GYS2: variants seen among roughly 807,000 people sequenced by gnomAD.
GYS2 encodes glycogen synthase 2, also known as glycogen [starch] synthase, liver.
A neutral mutation model predicts 85.6 loss-of-function variants in GYS2; 80 were observed. The ratio of observed to expected loss-of-function variants is 0.93; its 90% CI spans 0.78 to 1.13. The LOEUF is 1.13. Among genes scored for constraint, GYS2 ranks in the 50% most tolerant of loss-of-function variants. The pLI is 0.00. For missense variants in GYS2, 881 were observed against 854.9 expected (o/e 1.03, Z -0.38); for synonymous variants, 328 against 300.7 (o/e 1.09, Z -0.94).
chr12:21,598,531 T>G (rs1348224796), intron 1 of GYS2, among the ~76,000 whole-genome samples: 1 of 152,100 alleles, frequency 6.6e-6, no homozygotes, highest in Non-Finnish European at 1.5e-5. Context: ...ATAGCACACT[T>G]TGTGCTATAG....
At chr12:21,538,254 G>A (rs772997476) in intron 15 of GYS2, among the ~76,000 whole-genome samples, 6 of 152,026 alleles carry the variant, frequency 3.9e-5, no homozygotes, top group South Asian at 2.1e-4. Context: ...CCTTTTTTAC[G>A]GGCAAATTTT....
rs1284586998 is a variant in GYS2 at position 21,576,030 on chromosome 12, C to T, written c.331G>A (p.Gly111Arg). The T allele has an allele frequency of 6.2e-7, 1 of 1,613,334 alleles. No individual in the cohort carries two copies. Among genetic ancestry groups the T allele is most frequent in the African/African-American group, 1.3e-5 (1 of 74,894 alleles). The stretch of plus-strand genomic sequence containing the variant: ...TCAAAAAGTACCACATAAGGACTTC[C>T]TTCTATCAGCCATCTTCCAAAATGC... ...QVHFGRWLIE[G>R]SPYVVLFDIG... Residue 111 changes from glycine (G) to arginine (R), a missense_variant, in exon 3 of 16, where the codon GGA becomes AGA. Gly to Arg is a moderately radical substitution (Grantham distance 125). Transcript: ENST00000261195.
At chr12:21,597,023 C>A (rs1265798276) in intron 1 of GYS2, among the ~76,000 whole-genome samples, 1 of 151,956 alleles carries the variant, frequency 6.6e-6, no homozygotes, top group African/African-American at 2.4e-5. Flanking sequence ...TGGCCTAATA[C>A]AACCCCTATT....
At chr12:21,537,919 C>T (rs1405445073) in intron 15 of GYS2, among the ~76,000 whole-genome samples, 3 of 152,080 alleles carry the variant, frequency 2.0e-5, no homozygotes, top group South Asian at 2.1e-4. Flanking sequence ...TTATAGCGCT[C>T]GTCACTCTGT....
In GYS2 at chr12:21,574,239, T is replaced by G; in HGVS notation, c.583A>C (p.Lys195Gln). 6.2e-7 allele frequency: 1 copy of G among 1,613,780 alleles called. No homozygotes were observed. The highest frequency in any genetic ancestry group is 1.1e-5 in the South Asian group (1 of 91,068). Residue 195 changes from lysine (K) to glutamine (Q), a missense_variant, in exon 4 of 16, where the codon AAA becomes CAA. Coordinates refer to ENST00000261195, the MANE Select transcript of GYS2 (RefSeq NM_021957.4). ...GIGLILSRAR[K>Q]LPIATIFTTH... ...GTAAATATTGTGGCAATAGGAAGTT[T>G]CCTGGCTCGAGAAAGGATCAGTCCA... is the stretch of plus-strand genomic sequence containing the variant.
In GYS2 at chr12:21,562,986, A is replaced by T. The variant is rs765080484; in HGVS notation, c.994T>A (p.Tyr332Asn). Residue 332 changes from tyrosine to asparagine, a missense_variant, in exon 7 of 16, where the codon TAT (tyrosine) becomes AAT (asparagine). Tyr to Asn is a moderately radical substitution (Grantham distance 143). Transcript: ENST00000261195. ...KTLFLFIAGR[Y>N]EFSNKGADIF... ...TCAGCTCCTTTGTTTGAAAACTCAT[A>T]CCTCCCAGCAATGAAAAGGAACAAA... The T allele has an allele frequency of 1.2e-6, 2 of 1,613,096 alleles. No individual in the cohort carries two copies. Among genetic ancestry groups the T allele is most frequent in the Admixed American group, 3.3e-5 (2 of 59,992 alleles).
intron 4 of GYS2, among the ~76,000 whole-genome samples, chr12:21,573,470 T>C (rs1029398167): frequency 1.3e-5 from 2 of 152,192 alleles, no homozygotes; most frequent in African/African-American, 4.8e-5. Flanking sequence ...TTCATTAATC[T>C]AAATTGACAT....
At chr12:21,534,749 G>A (rs148372237), downstream of GYS2, among the ~76,000 whole-genome samples, 837 of 152,268 alleles carry the variant, frequency 5.5e-3, 7 homozygotes, top group African/African-American at 0.02. Flanking sequence ...TCAAACCATA[G>A]CAGGTGGTAC....
intron 11 of GYS2, among the ~76,000 whole-genome samples, chr12:21,556,440 G>T (rs1366353220): frequency 1.3e-5 from 2 of 152,182 alleles, no homozygotes; most frequent in African/African-American, 4.8e-5. Context: ...CAAAGGGCTG[G>T]AATTATAGGT....
intron 1 of GYS2, among the ~76,000 whole-genome samples, chr12:21,599,429 C>T (rs537514295): frequency 6.6e-6 from 1 of 152,286 alleles, no homozygotes; most frequent in South Asian, 2.1e-4. Context: ...GCAGTCTTGG[C>T]AGTGGGAGGT....
Position 21,539,252 on chromosome 12 carries a change from A to G in GYS2, c.1890+6T>C. On this transcript the variant is annotated splice_donor_region_variant and intron_variant, in intron 15 of 15. Coordinates refer to ENST00000261195, the MANE Select transcript of GYS2 (RefSeq NM_021957.4). ...GCTTTCAAAAAAAAATACATTGAAT[A>G]TTTACCGTTGGTGGTGATGTTAGTT... 3 of 1,490,778 alleles carry G rather than the reference A, an allele frequency of 2.0e-6. No individual in the cohort carries two copies. The highest frequency in any genetic ancestry group is 1.1e-5 in the South Asian group (1 of 88,000). 92.3% of individuals were successfully genotyped at this position (1,490,778 alleles called of 1,614,324 possible). A position where few individuals can be genotyped will look rare whatever the true frequency, so the allele number is the denominator to read the frequency against.
intron 4 of GYS2, among the ~76,000 whole-genome samples, chr12:21,571,036 CAT>C (rs1426239218): frequency 1.3e-5 from 2 of 152,166 alleles, no homozygotes; most frequent in African/African-American, 4.8e-5. Context: ...TAGAGAATCA[CAT>C]GTCACAGATA....
At chr12:21,559,290 A>G (rs535823925) in intron 9 of GYS2, 121 bp from the exon 10 acceptor site, 80 of 609,330 alleles carry the variant, frequency 1.3e-4, no homozygotes, top group Admixed American at 5.4e-4. Flanking sequence ...TGATTATTCT[A>G]TTAAGTAAAT....
chr12:21,599,154 T>A lies in GYS2; in HGVS notation c.121+5318A>T, dbSNP rs180889099. 1.1e-3 allele frequency among the ~76,000 whole-genome samples: 164 copies of A among 152,174 alleles called. 2 individuals carry two copies. The East Asian group carries it at 0.027, about 25-fold the overall frequency. On this transcript the variant is annotated intron_variant, in intron 1 of 15. Transcript: ENST00000261195. ...CACATATATACATATTATACACATATGGAGAAATTTCACTATTTTGTATAT... is the reference window on the plus strand; with the variant it reads ...CACATATATACATATTATACACATAAGGAGAAATTTCACTATTTTGTATAT...
intron 1 of GYS2, among the ~76,000 whole-genome samples, chr12:21,594,671 C>T: frequency 6.6e-6 from 1 of 151,988 alleles, no homozygotes; most frequent in Non-Finnish European, 1.5e-5. Context: ...GCCATACTAC[C>T]CAAAGCAATC....
intron 7 of GYS2, among the ~76,000 whole-genome samples, chr12:21,561,770 T>G (rs1944255885): frequency 6.6e-6 from 1 of 152,206 alleles, no homozygotes; most frequent in East Asian, 1.9e-4. Flanking sequence ...ATCTTTTTAG[T>G]CTTCAGTTCT....
chr12:21,575,964 C>T lies in GYS2; in HGVS notation c.397G>A (p.Asp133Asn), dbSNP rs774186653. The T allele has an allele frequency of 1.2e-6, 2 of 1,613,664 alleles. No homozygotes were observed. Among genetic ancestry groups the T allele is most frequent in the Non-Finnish European group, 1.7e-6 (2 of 1,179,730 alleles). The change falls in exon 3 of 16, where the codon GAC (aspartate) becomes AAC (asparagine). Residue 133 changes from aspartate to asparagine, a missense_variant. Transcript: ENST00000261195. ...SAWNLDRWKGDLWEACSVGIP... is the reference protein window; with the variant it reads ...SAWNLDRWKGNLWEACSVGIP... Reference sequence around the variant, plus strand: ...CCGACACTGCATGCTTCCCAGAGGTCACCCTTCCACCTGTCCAGATTCCAA... The same window carrying T: ...CCGACACTGCATGCTTCCCAGAGGTTACCCTTCCACCTGTCCAGATTCCAA...
chr12:21,580,441 T>C lies in GYS2; in HGVS notation c.204A>G (p.Pro68=). 1 of 1,613,682 alleles carries C rather than the reference T, an allele frequency of 6.2e-7. No homozygotes were observed. ...EWGENYFLIG[P]YFEHNMKTQV... is the part of the protein sequence containing the mutation. ...GAGTCTTCATATTATGCTCAAAATATGGACCTATCAGAAAATAGTTCTCTC... is the reference window on the plus strand; with the variant it reads ...GAGTCTTCATATTATGCTCAAAATACGGACCTATCAGAAAATAGTTCTCTC... The change falls in exon 2 of 16, where the codon CCA becomes CCG. Residue 68 remains proline (P), a synonymous_variant. Coordinates refer to ENST00000261195, the MANE Select transcript of GYS2 (RefSeq NM_021957.4).
At chr12:21,539,438 T>C in intron 14 of GYS2, 100 bp from the exon 15 acceptor site, 2 of 764,298 alleles carry the variant, frequency 2.6e-6, no homozygotes, top group South Asian at 1.4e-5. Flanking sequence ...CTGAAACATA[T>C]GTATTTTTTA....
Sources: allele counts gnomAD v4.1 joint callset (sites outside exome capture counted in the v4.1 genomes callset), GRCh38; gene constraint gnomAD v4.1.1; transcripts MANE v1.5; gene names NCBI Gene and HGNC (gene_info 2026-07-23, HGNC 2026-07-21).